The following PRKN variants were observed in gnomAD, a reference collection of about 807,000 sequenced individuals.
PRKN encodes E3 ubiquitin-protein ligase parkin.
In PRKN, 56 loss-of-function variants were observed where a neutral mutation model predicts 59.5. The ratio of observed to expected loss-of-function variants is 0.94; its 90% confidence interval spans 0.76 to 1.18. PRKN has a LOEUF of 1.18. Ranked by LOEUF, PRKN falls within the 50% of genes most tolerant of loss-of-function variation. The pLI, the probability that PRKN is intolerant of heterozygous loss-of-function variation, is 0.00. For synonymous variants in PRKN, 250 were observed against 222.1 expected, an observed-to-expected ratio of 1.13 and a Z score of -1.12; for missense variants, 657 against 596.4, an observed-to-expected ratio of 1.10 and a Z score of -1.06.
At chr6:161,976,198 C>G (rs1781025522) in intron 5 of PRKN, among the ~76,000 whole-genome samples, 1 of 152,150 alleles carries the variant, frequency 6.6e-6, no homozygotes, top group African/African-American at 2.4e-5. Context: ...AGCCACTGTG[C>G]CTGGCTGAGT....
At chr6:162,680,383 A>G (rs2128232551) in intron 1 of PRKN, among the ~76,000 whole-genome samples, 1 of 150,324 alleles carries the variant, frequency 6.7e-6, no homozygotes, top group South Asian at 2.1e-4. Flanking sequence ...AACAAATTAA[A>G]AAACATATAT....
chr6:161,885,478 C>T (rs529840929), intron 6 of PRKN, among the ~76,000 whole-genome samples: 20 of 152,190 alleles, frequency 1.3e-4, no homozygotes, highest in Admixed American at 1.0e-3. Context: ...TCCTGGCTAA[C>T]ACAGTGAAAC....
At chr6:162,712,582 T>C (rs1254573037) in intron 1 of PRKN, among the ~76,000 whole-genome samples, 3 of 152,198 alleles carry the variant, frequency 2.0e-5, no homozygotes, top group Non-Finnish European at 2.9e-5. Flanking sequence ...CTCTGACCCA[T>C]GTCTCATATC....
intron 9 of PRKN, among the ~76,000 whole-genome samples, chr6:161,476,896 C>T (rs1466135952): frequency 6.6e-6 from 1 of 152,220 alleles, no homozygotes; most frequent in Non-Finnish European, 1.5e-5. Flanking sequence ...AGCCAGCATA[C>T]AGGAGCTGCT....
At chr6:161,971,251 C>T (rs566385388) in intron 6 of PRKN, among the ~76,000 whole-genome samples, 55 of 152,244 alleles carry the variant, frequency 3.6e-4, no homozygotes, top group Non-Finnish European at 6.9e-4. Flanking sequence ...GTTATTAATA[C>T]GAAAGTGACA....
intron 9 of PRKN, among the ~76,000 whole-genome samples, chr6:161,541,600 C>T (rs985404508): frequency 6.6e-6 from 1 of 152,130 alleles, no homozygotes; most frequent in South Asian, 2.1e-4. Context: ...GAGGGTGGAT[C>T]GCCTGAGGTC....
At chr6:161,964,147 G>A (rs1457895418) in intron 6 of PRKN, among the ~76,000 whole-genome samples, 1 of 152,100 alleles carries the variant, frequency 6.6e-6, no homozygotes, top group East Asian at 1.9e-4. Context: ...AGCAATGCAA[G>A]CCATGTAGAC....
In PRKN at chr6:161,402,046, C is replaced by T. The variant is rs1190274591; in HGVS notation, c.1084-15169G>A. On this transcript the variant is annotated intron_variant, in intron 9 of 11. Coordinates refer to ENST00000366898, the MANE Select transcript of PRKN (RefSeq NM_004562.3). This position sits in a 1 kb window ranked among gnomAD's most constrained non-coding sequence, Gnocchi z 4.5. The stretch of plus-strand genomic sequence containing the variant: ...CTCTCGATATGCATCTCTGCCATGA[C>T]TATCAGACAATGGTGAGAGCCAGAA... Among the ~76,000 whole-genome samples the T allele has an allele frequency of 6.6e-6, 1 of 152,138 alleles. No homozygotes were observed. The highest frequency in any genetic ancestry group is 2.4e-5 in the African/African-American group (1 of 41,420).
Position 161,919,609 on chromosome 6 carries a change from C to T in PRKN, c.734+53693G>A, listed in dbSNP as rs548178654. 8.5e-5 allele frequency among the ~76,000 whole-genome samples: 13 copies of T among 152,326 alleles called. No individual in the cohort carries two copies. In the East Asian group the frequency reaches 1.7e-3, roughly 20 times the overall value. ...ATAGGATCTTACCATTATGAACTGTCATCTTCCCAAACCAGTGAAGTCTTA... is the reference window on the plus strand; with the variant it reads ...ATAGGATCTTACCATTATGAACTGTTATCTTCCCAAACCAGTGAAGTCTTA... On this transcript the variant is annotated intron_variant, in intron 6 of 11. Transcript: ENST00000366898.
rs1235368880 is a variant in PRKN at position 161,405,648 on chromosome 6, A to AAATT, written c.1084-18775_1084-18772dup. ...TAAATAAATAAATAAATAAATAAATAAATTTGGGTCCACCATAATCAGCAT... is the reference window on the plus strand; with the variant it reads ...TAAATAAATAAATAAATAAATAAATAAATTAATTTGGGTCCACCATAATCAGCAT... On this transcript the variant is annotated intron_variant, in intron 9 of 11. Coordinates refer to ENST00000366898, the MANE Select transcript of PRKN (RefSeq NM_004562.3). This position sits in a 1 kb window ranked among gnomAD's most constrained non-coding sequence, Gnocchi z 5.1. 1.4e-5 allele frequency among the ~76,000 whole-genome samples: 2 copies of AAATT among 143,196 alleles called. No individual in the cohort carries two copies. Among genetic ancestry groups the AAATT allele is most frequent in the African/African-American group, 5.1e-5 (2 of 39,558 alleles). 93.9% of individuals were successfully genotyped at this position (143,196 alleles called of 152,430 possible).
At chr6:162,720,698 C>T (rs1778910650) in intron 1 of PRKN, among the ~76,000 whole-genome samples, 1 of 151,912 alleles carries the variant, frequency 6.6e-6, no homozygotes, top group Admixed American at 6.6e-5. Context: ...GATCCACCCG[C>T]CTCGGCCTCC....
Position 161,407,953 on chromosome 6 carries a change from G to C in PRKN, c.1084-21076C>G, listed in dbSNP as rs529132577. ...CCACTGCCTACCCAAGTCCTATAAA[G>C]CTGCCCCTCTCCTATCTCCCTTCGC... On this transcript the variant is annotated intron_variant, in intron 9 of 11. Transcript: ENST00000366898. The surrounding 1 kb of genome is among the most constrained non-coding windows in gnomAD (Gnocchi z 4.9). Among the ~76,000 whole-genome samples the C allele has an allele frequency of 4.7e-4, 71 of 152,184 alleles. No individual in the cohort carries two copies. Among genetic ancestry groups the C allele is most frequent in the African/African-American group, 1.5e-3 (62 of 41,510 alleles).
intron 1 of PRKN, among the ~76,000 whole-genome samples, chr6:162,640,544 A>C (rs1777919543): frequency 6.6e-6 from 1 of 152,208 alleles, no homozygotes; most frequent in South Asian, 2.1e-4. Flanking sequence ...ACAACCATAA[A>C]TAAGAGAGCA....
At chr6:162,534,506 C>T (rs532940885) in intron 1 of PRKN, among the ~76,000 whole-genome samples, 46 of 152,258 alleles carry the variant, frequency 3.0e-4, no homozygotes, top group African/African-American at 1.0e-3. Flanking sequence ...CTTCATTAGA[C>T]CGCACACTCC....
At chr6:161,928,518 A>C (rs1779048590) in intron 6 of PRKN, among the ~76,000 whole-genome samples, 1 of 152,224 alleles carries the variant, frequency 6.6e-6, no homozygotes, top group Admixed American at 6.5e-5. Context: ...AAGTGAATAT[A>C]TATTTCAGCC....
intron 4 of PRKN, among the ~76,000 whole-genome samples, chr6:162,101,008 A>G (rs940091548): frequency 1.3e-5 from 2 of 152,052 alleles, no homozygotes; most frequent in African/African-American, 4.8e-5. Flanking sequence ...TGGTTGGCAA[A>G]TATTTTCTGC....
intron 3 of PRKN, among the ~76,000 whole-genome samples, chr6:162,233,387 TATTCTA>T (rs1453222034): frequency 6.6e-6 from 1 of 152,172 alleles, no homozygotes; most frequent in East Asian, 1.9e-4. Flanking sequence ...TGAAGGAACT[TATTCTA>T]AGGAAATGCT....
rs1562673354 is a variant in PRKN at position 161,774,381 on chromosome 6, A to AACACAC, written c.871+11390_871+11391insGTGTGT. Among the ~76,000 whole-genome samples, 66 of 89,162 alleles carry AACACAC rather than the reference A, an allele frequency of 7.4e-4. 1 individual carries two copies. Among genetic ancestry groups the AACACAC allele is most frequent in the African/African-American group, 2.3e-3 (63 of 27,492 alleles). The allele number at this position is 89,162 out of a possible 152,430, so 58.5% of individuals were successfully genotyped here. On this transcript the variant is annotated intron_variant, in intron 7 of 11. Coordinates refer to ENST00000366898, the MANE Select transcript of PRKN (RefSeq NM_004562.3). ...CCTCCCCCATCCTTTCTACTCCCTG[A>AACACAC]GCACACACACACACACACACACACA... is the stretch of plus-strand genomic sequence containing the variant.
At chr6:161,425,036 T>G (rs1000527057) in intron 9 of PRKN, among the ~76,000 whole-genome samples, 5 of 152,172 alleles carry the variant, frequency 3.3e-5, no homozygotes, top group African/African-American at 1.2e-4. Flanking sequence ...ACAGGTGTCT[T>G]CTGTTTCTGT....
Sources: gnomAD v4.1 joint callset for allele counts (sites outside exome capture counted in the v4.1 genomes callset) on GRCh38, gnomAD v4.1.1 for gene constraint, Gnocchi (gnomAD v3.1) non-coding constraint, MANE v1.5 for transcripts, NCBI Gene and HGNC (gene_info 2026-07-23, HGNC 2026-07-21) for gene names.